The following TNKS2 variants were observed in gnomAD, a reference collection of about 807,000 sequenced individuals.
TNKS2 encodes poly [ADP-ribose] polymerase tankyrase-2.
TNKS2 carries 72 observed loss-of-function variants against 137.6 expected under a neutral mutation model. That is an observed-to-expected ratio of 0.52 (90% CI 0.43 to 0.64). The LOEUF is 0.64. Ranked by LOEUF, TNKS2 falls within the 30% of genes least tolerant of loss-of-function variation. The pLI is 0.00. For missense variants in TNKS2, 1,049 were observed against 1,410.2 expected (o/e 0.74, Z 4.10); for synonymous variants, 516 against 512.1 (o/e 1.01, Z -0.10).
In TNKS2 at chr10:91,817,190, T is replaced by C. The variant is rs1428347752; in HGVS notation, c.481T>C (p.Leu161=). Residue 161 remains leucine, a synonymous_variant, in exon 3 of 27, where the codon TTG becomes CTG. Transcript: ENST00000371627. ...CCGAAATACAGATGGAAGGACAGCA[T>C]TGGATTTAGCAGATCCATCTGCCAA... ...TIRNTDGRTA[L]DLADPSAKAV... 2 of 1,613,776 alleles carry C rather than the reference T, an allele frequency of 1.2e-6. No homozygotes were observed. The highest frequency in any genetic ancestry group is 1.7e-6 in the Non-Finnish European group (2 of 1,179,868).
chr10:91,840,932 T>G (rs1169792199), intron 14 of TNKS2, among the ~76,000 whole-genome samples: 1 of 152,240 alleles, frequency 6.6e-6, no homozygotes, highest in African/African-American at 2.4e-5. Flanking sequence ...CCAAGGAGAT[T>G]ATAACATTAG....
chr10:91,822,280 C>A lies in TNKS2; in HGVS notation c.729-16C>A. On this transcript the variant is annotated splice_polypyrimidine_tract_variant and intron_variant, in intron 6 of 26. Transcript: ENST00000371627. Reference sequence around the variant, plus strand: ...ATCTATACTGAAACAGGATTTTCCCCCCCTTCTCATTGTAGTGATCTGGTA... The same window carrying A: ...ATCTATACTGAAACAGGATTTTCCCACCCTTCTCATTGTAGTGATCTGGTA... The A allele has an allele frequency of 6.3e-7, 1 of 1,597,926 alleles. No homozygotes were observed. The highest frequency in any genetic ancestry group is 1.1e-5 in the South Asian group (1 of 86,986).
intron 11 of TNKS2, among the ~76,000 whole-genome samples, chr10:91,833,317 A>G (rs886317849): frequency 1.2e-4 from 19 of 152,188 alleles, no homozygotes; most frequent in East Asian, 1.9e-4. Flanking sequence ...CCCACATTGT[A>G]TAATGTTTTA....
At chr10:91,823,320 GT>G (rs3043666) in intron 7 of TNKS2, among the ~76,000 whole-genome samples, 31 of 113,594 alleles carry the variant, frequency 2.7e-4, no homozygotes, top group Admixed American at 4.8e-4. Context: ...TGGTTTTTTG[GT>G]TTTTTTTTTT....
intron 7 of TNKS2, 60 bp from the exon 8 acceptor site, chr10:91,826,957 A>G (rs1182224657): frequency 7.2e-6 from 10 of 1,394,676 alleles, no homozygotes; most frequent in Non-Finnish European, 8.5e-6. Flanking sequence ...ATTACACAGT[A>G]CGAATAATTC....
chr10:91,815,080 A>T lies in TNKS2; in HGVS notation c.424+1873A>T, dbSNP rs1844639954. Reference sequence around the variant, plus strand: ...TTTTGAGAATTTGTATTAACCTGGTATTTACTTTTGTGAGACAGATTCAAG... The same window carrying T: ...TTTTGAGAATTTGTATTAACCTGGTTTTTACTTTTGTGAGACAGATTCAAG... On this transcript the variant is annotated intron_variant, in intron 2 of 26. Coordinates refer to ENST00000371627, the MANE Select transcript of TNKS2 (RefSeq NM_025235.4). Among the ~76,000 whole-genome samples, 3 of 87,536 alleles carry T rather than the reference A, an allele frequency of 3.4e-5. No individual in the cohort carries two copies. In the Admixed American group the frequency reaches 3.6e-4, roughly 10 times the overall value. The allele number at this position is 87,536 out of a possible 152,430, so 57.4% of individuals were successfully genotyped here.
intron 1 of TNKS2, among the ~76,000 whole-genome samples, chr10:91,801,068 C>G (rs1844151737): frequency 6.6e-6 from 1 of 152,090 alleles, no homozygotes; most frequent in Admixed American, 6.5e-5. Flanking sequence ...ATTTTTTTAG[C>G]TGATTAAAGT....
chr10:91,831,982 C>G (rs147616475), intron 11 of TNKS2, among the ~76,000 whole-genome samples: 1 of 152,120 alleles, frequency 6.6e-6, no homozygotes, highest in East Asian at 1.9e-4. Context: ...GCCCCTGAAA[C>G]GCTTCCATAA....
At chr10:91,830,796 CAAAGTTGCGTCA>C in intron 9 of TNKS2, 115 bp from the exon 10 acceptor site, 1 of 807,408 alleles carries the variant, frequency 1.2e-6, no homozygotes. Flanking sequence ...AAGTCAAGAG[CAAAGTTGCGTCA>C]AAAGTAAAAC....
Position 91,819,305 on chromosome 10 carries a change from A to G in TNKS2, c.556A>G (p.Arg186Gly). ...YKKDELLESA[R>G]SGNEEKMMAL... ...GAAAGATGAACTCTTAGAAAGTGCC[A>G]GGTACGTACTAATGTTATAAATATG... is the stretch of plus-strand genomic sequence containing the variant. The change falls in exon 4 of 27, where the codon AGG becomes GGG. Residue 186 changes from arginine (R) to glycine (G), a missense_variant and splice_region_variant. By Grantham distance (125) the Arg-to-Gly change is moderately radical (BLOSUM62 -2). Coordinates refer to ENST00000371627, the MANE Select transcript of TNKS2 (RefSeq NM_025235.4). 2 of 1,463,796 alleles carry G rather than the reference A, an allele frequency of 1.4e-6. No homozygotes were observed. Among genetic ancestry groups the G allele is most frequent in the Non-Finnish European group, 1.8e-6 (2 of 1,100,802 alleles). 90.7% of individuals were successfully genotyped at this position (1,463,796 alleles called of 1,614,324 possible). A position where few individuals can be genotyped will look rare whatever the true frequency, so the allele number is the denominator to read the frequency against.
rs768944837 is a variant in TNKS2 at position 91,822,385 on chromosome 10, A to G, written c.795+23A>G. 1.3e-5 allele frequency: 21 copies of G among 1,567,044 alleles called. 2 individuals are homozygous for G. The South Asian group carries it at 1.9e-4, about 14-fold the overall frequency. Reference sequence around the variant, plus strand: ...AAGGTTAGTGCTCTTGTACTCTCCTAATTACTTTCTAGAGTTATATAAAAT... The same window carrying G: ...AAGGTTAGTGCTCTTGTACTCTCCTGATTACTTTCTAGAGTTATATAAAAT... On this transcript the variant is annotated intron_variant, in intron 7 of 26. Transcript: ENST00000371627.
rs1319149848 is a variant in TNKS2 at position 91,836,910 on chromosome 10, C to CTT, written c.1448-4_1448-3dup. 1 of 1,598,220 alleles carries CTT rather than the reference C, an allele frequency of 6.3e-7. No individual in the cohort carries two copies. The highest frequency in any genetic ancestry group is 1.3e-5 in the African/African-American group (1 of 74,402). ...GTTAGTCACTCTTCTCTCTCTCTCT[C>CTT]TTTTTTAGAGGGTATCTCATTAGGT... On this transcript the variant is annotated splice_polypyrimidine_tract_variant and intron_variant, in intron 12 of 26. Transcript: ENST00000371627.
At chr10:91,813,290 A>T (rs554534968) in intron 2 of TNKS2, 83 bp downstream of exon 2, 31 of 1,139,344 alleles carry the variant, frequency 2.7e-5, no homozygotes, top group Non-Finnish European at 3.2e-5. Context: ...ATATCATCAA[A>T]TTATGTCAAG....
Position 91,845,016 on chromosome 10 carries a change from A to G in TNKS2, c.2157A>G (p.Ala719=). Residue 719 remains alanine, a synonymous_variant, in exon 17 of 27, where the codon GCA becomes GCG. Transcript: ENST00000371627. Reference sequence around the variant, plus strand: ...GAGGACTTATTCCTTTACATAATGCAGCATCTTACGGGGTAAGTTCTTCCG... The same window carrying G: ...GAGGACTTATTCCTTTACATAATGCGGCATCTTACGGGGTAAGTTCTTCCG... The part of the protein sequence containing the change: ...DKGGLIPLHN[A]ASYGHVDVAA... 6.2e-7 allele frequency: 1 copy of G among 1,610,212 alleles called. No individual in the cohort carries two copies. The highest frequency in any genetic ancestry group is 8.5e-7 in the Non-Finnish European group (1 of 1,177,296).
In TNKS2 at chr10:91,863,673, C is replaced by G. The variant is rs938674397; in HGVS notation, c.*674C>G. On this transcript the variant is annotated 3_prime_UTR_variant, in exon 27 of 27. Transcript: ENST00000371627. ...TCTCATTTAAGAACTTATGAATATG[C>G]TGAAGATTTAATTTGTGATACCTTT... is the stretch of plus-strand genomic sequence containing the variant. The G allele has an allele frequency of 6.6e-6, 1 of 152,080 alleles. No homozygotes were observed. Among genetic ancestry groups the G allele is most frequent in the East Asian group, 1.9e-4 (1 of 5,190 alleles). 9.4% of individuals were successfully genotyped at this position (152,080 alleles called of 1,614,324 possible).
At chr10:91,835,783 T>C (rs1321144287) in intron 12 of TNKS2, among the ~76,000 whole-genome samples, 2 of 151,194 alleles carry the variant, frequency 1.3e-5, no homozygotes, top group Non-Finnish European at 3.0e-5. Context: ...AACTTTTGTA[T>C]TTTTAGTAGT....
At chr10:91,855,835 G>A in intron 23 of TNKS2, 147 bp downstream of exon 23, 1 of 547,728 alleles carries the variant, frequency 1.8e-6, no homozygotes, top group Non-Finnish European at 3.3e-6. Flanking sequence ...GGATACCCTT[G>A]GAAGGTTAAT....
chr10:91,833,657 T>G (rs983703010), intron 11 of TNKS2, among the ~76,000 whole-genome samples, 196 bp from the exon 12 acceptor site: 2 of 152,174 alleles, frequency 1.3e-5, no homozygotes, highest in Admixed American at 6.5e-5. Flanking sequence ...CAAAATTGAG[T>G]CTTCCTTCTG....
rs556428423 is a variant in TNKS2, at chr10:91,800,772, CTT to C, written c.199+1888_199+1889del. Among the ~76,000 whole-genome samples, 263 of 152,224 alleles carry C rather than the reference CTT, an allele frequency of 1.7e-3. 1 individual carries two copies. Among genetic ancestry groups the C allele is most frequent in the African/African-American group, 5.8e-3 (239 of 41,524 alleles). Reference sequence around the variant, plus strand: ...TCCTGCACTTCAATCATATAAGAAACTTTTTTAAAAATTGGGTTTGTAAATTT... The same window carrying C: ...TCCTGCACTTCAATCATATAAGAAACTTTTAAAAATTGGGTTTGTAAATTT... On this transcript the variant is annotated intron_variant, in intron 1 of 26. Coordinates refer to ENST00000371627, the MANE Select transcript of TNKS2 (RefSeq NM_025235.4).
Sources: allele counts gnomAD v4.1 joint callset (sites outside exome capture counted in the v4.1 genomes callset), GRCh38; gene constraint gnomAD v4.1.1; transcripts MANE v1.5; gene names NCBI Gene and HGNC (gene_info 2026-07-23, HGNC 2026-07-21).